CARMIL1: variants seen among roughly 807,000 people sequenced by gnomAD.
CARMIL1 encodes capping protein regulator and myosin 1 linker 1, also known as F-actin-uncapping protein LRRC16A.
Under a neutral mutation model 177.1 loss-of-function variants are expected in CARMIL1, and 90 were observed. That is an observed-to-expected ratio of 0.51 (90% CI 0.43 to 0.61). CARMIL1 has a LOEUF of 0.61. Ranked by LOEUF, CARMIL1 falls within the 20% of genes least tolerant of loss-of-function variation. The probability of loss-of-function intolerance (pLI) is 0.00; values close to 1 mark genes in which losing one functional copy is unlikely to be tolerated. For synonymous variants in CARMIL1, 577 were observed against 606.2 expected, an observed-to-expected ratio of 0.95 and a Z score of 0.71; for missense variants, 1,380 against 1,667.0, an observed-to-expected ratio of 0.83 and a Z score of 3.00.
Position 25,554,722 on chromosome 6 carries a change from T to C in CARMIL1, c.2592+626T>C, listed in dbSNP as rs1810449344. Among the ~76,000 whole-genome samples, 1 of 152,144 alleles carries C rather than the reference T, an allele frequency of 6.6e-6. No individual in the cohort carries two copies. Among genetic ancestry groups the C allele is most frequent in the South Asian group, 2.1e-4 (1 of 4,826 alleles). On this transcript the variant is annotated intron_variant, in intron 28 of 36. Transcript: ENST00000329474. This position sits in a 1 kb window ranked among gnomAD's most constrained non-coding sequence, Gnocchi z 4.6. ...AGTTCTCTGAGGTACAGATGAAGCT[T>C]TTATAACTGGTTATATCTAATGCCT...
chr6:25,404,598 A>G (rs983322346), intron 2 of CARMIL1, among the ~76,000 whole-genome samples: 2 of 152,108 alleles, frequency 1.3e-5, no homozygotes, highest in African/African-American at 4.8e-5. Flanking sequence ...TCTACTAAAA[A>G]TACAAAAATT....
chr6:25,519,699 A>G (rs1806353547), intron 22 of CARMIL1, among the ~76,000 whole-genome samples: 1 of 152,234 alleles, frequency 6.6e-6, no homozygotes, highest in African/African-American at 2.4e-5. Flanking sequence ...AATCCCATGT[A>G]TACTGGACAT....
chr6:25,609,976 T>G (rs984817895), intron 35 of CARMIL1, 74 bp from the exon 36 acceptor site: 81 of 1,405,694 alleles, frequency 5.8e-5, no homozygotes, highest in Non-Finnish European at 7.0e-5. Context: ...TTTTTATATA[T>G]AGATTTACCA....
intron 17 of CARMIL1, among the ~76,000 whole-genome samples, chr6:25,508,503 C>T (rs1805139920): frequency 6.6e-6 from 1 of 152,092 alleles, no homozygotes; most frequent in African/African-American, 2.4e-5. Context: ...TCAAGACAAG[C>T]CTGAGCAACA....
rs1259366173 is a variant in CARMIL1, at chr6:25,554,560, G to A, written c.2592+464G>A. On this transcript the variant is annotated intron_variant, in intron 28 of 36. Transcript: ENST00000329474. This position sits in a 1 kb window ranked among gnomAD's most constrained non-coding sequence, Gnocchi z 4.6. ...GATAGCTGCTGACTGCCCCACAGGT[G>A]CCTTGGATATAACCAAGGTAAAAAA... Among the ~76,000 whole-genome samples the A allele has an allele frequency of 2.6e-5, 4 of 152,264 alleles. No homozygotes were observed. Among genetic ancestry groups the A allele is most frequent in the African/African-American group, 9.6e-5 (4 of 41,558 alleles).
chr6:25,486,869 A>G (rs558944598), intron 12 of CARMIL1, among the ~76,000 whole-genome samples: 1 of 152,140 alleles, frequency 6.6e-6, no homozygotes, highest in South Asian at 2.1e-4. Context: ...ATTGAAATGA[A>G]TATTCCTTGT....
At chr6:25,306,637 C>A (rs1783293471) in intron 2 of CARMIL1, among the ~76,000 whole-genome samples, 1 of 152,148 alleles carries the variant, frequency 6.6e-6, no homozygotes, top group African/African-American at 2.4e-5. Flanking sequence ...CTTTTTAATG[C>A]TGAATAATAT....
chr6:25,578,678 A>G (rs576444627), intron 29 of CARMIL1, among the ~76,000 whole-genome samples: 2 of 152,270 alleles, frequency 1.3e-5, no homozygotes, highest in South Asian at 4.2e-4. Flanking sequence ...TCTTAATACC[A>G]ATTGTAGAAA....
Position 25,510,430 on chromosome 6 carries a change from T to C in CARMIL1, c.1478-77T>C, listed in dbSNP as rs975964336. 6.6e-5 allele frequency: 56 copies of C among 845,238 alleles called. 1 individual carries two copies. Among genetic ancestry groups the C allele is most frequent in the Non-Finnish European group, 8.3e-5 (45 of 539,442 alleles). The allele number at this position is 845,238 out of a possible 1,614,324, so 52.4% of individuals were successfully genotyped here. A position where few individuals can be genotyped will look rare whatever the true frequency, so the allele number is the denominator to read the frequency against. ...GAAGTCATCCAACTATATGTCACCT[T>C]TGCTTAATTGTGTTCCAGCTGAAAA... On this transcript the variant is annotated intron_variant, in intron 18 of 36. Transcript: ENST00000329474.
intron 2 of CARMIL1, among the ~76,000 whole-genome samples, chr6:25,323,530 G>T (rs1362825123): frequency 6.6e-6 from 1 of 151,878 alleles, no homozygotes; most frequent in Non-Finnish European, 1.5e-5. Context: ...GATTGCTTGA[G>T]CCCAGGAGTT....
intron 5 of CARMIL1, among the ~76,000 whole-genome samples, 179 bp from the exon 6 acceptor site, chr6:25,449,719 G>A (rs1487856529): frequency 2.0e-5 from 3 of 152,106 alleles, no homozygotes; most frequent in Non-Finnish European, 4.4e-5. Context: ...GATTTATTAT[G>A]TTTTCTAGAT....
chr6:25,488,807 G>C (rs1049584300), intron 13 of CARMIL1, among the ~76,000 whole-genome samples: 3 of 151,882 alleles, frequency 2.0e-5, no homozygotes, highest in African/African-American at 7.3e-5. Context: ...CTCATTTAGT[G>C]ATGCTGAAGT....
chr6:25,357,401 G>A (rs778156198), intron 2 of CARMIL1, among the ~76,000 whole-genome samples: 8 of 152,190 alleles, frequency 5.3e-5, no homozygotes, highest in Non-Finnish European at 1.2e-4. Flanking sequence ...GGCCAACATG[G>A]CAAAACCTCA....
Position 25,577,046 on chromosome 6 carries a change from T to C in CARMIL1, c.2743-3878T>C. On this transcript the variant is annotated intron_variant, in intron 29 of 36. Coordinates refer to ENST00000329474, the MANE Select transcript of CARMIL1 (RefSeq NM_017640.6). This position sits in a 1 kb window ranked among gnomAD's most constrained non-coding sequence, Gnocchi z 4.5. ...TTCTGGCTGTACTACTTTATATTCTTGTGCTCCATTTGCTTCTGTGCTGCC... is the reference window on the plus strand; with the variant it reads ...TTCTGGCTGTACTACTTTATATTCTCGTGCTCCATTTGCTTCTGTGCTGCC... The C allele has an allele frequency of 1.0e-6, 1 of 985,356 alleles. No individual in the cohort carries two copies. The highest frequency in any genetic ancestry group is 1.2e-6 in the Non-Finnish European group (1 of 829,862). 61.0% of individuals were successfully genotyped at this position (985,356 alleles called of 1,614,324 possible).
intron 34 of CARMIL1, among the ~76,000 whole-genome samples, chr6:25,605,815 G>A (rs568805800): frequency 7.9e-5 from 12 of 152,258 alleles, no homozygotes; most frequent in South Asian, 4.1e-4. Flanking sequence ...GCTTGTCATC[G>A]CTGGAATAGT....
intron 29 of CARMIL1, among the ~76,000 whole-genome samples, chr6:25,566,841 T>C (rs1811596381): frequency 6.6e-6 from 1 of 152,242 alleles, no homozygotes; most frequent in South Asian, 2.1e-4. Context: ...TAAATATCAG[T>C]AGTAGCAGAT....
chr6:25,395,484 C>A (rs1205356054), intron 2 of CARMIL1, among the ~76,000 whole-genome samples: 1 of 152,184 alleles, frequency 6.6e-6, no homozygotes, highest in Non-Finnish European at 1.5e-5. Context: ...TGCGGCCATT[C>A]CTTGATCAAT....
intron 2 of CARMIL1, among the ~76,000 whole-genome samples, chr6:25,309,847 G>T (rs1034817714): frequency 2.1e-5 from 3 of 145,998 alleles, no homozygotes; most frequent in Non-Finnish European, 3.0e-5. Context: ...TCGGCTCACT[G>T]CAAGCTCCGT....
intron 13 of CARMIL1, among the ~76,000 whole-genome samples, chr6:25,488,820 A>G (rs534164995): frequency 6.6e-5 from 10 of 152,246 alleles, no homozygotes; most frequent in African/African-American, 2.4e-4. Context: ...GCTGAAGTTC[A>G]CATTTTTTTG....
Sources: allele counts gnomAD v4.1 joint callset (sites outside exome capture counted in the v4.1 genomes callset), GRCh38; gene constraint gnomAD v4.1.1; non-coding constraint Gnocchi (gnomAD v3.1); transcripts MANE v1.5; gene names NCBI Gene and HGNC (gene_info 2026-07-23, HGNC 2026-07-21).